TEAD1: variants seen among roughly 807,000 people sequenced by gnomAD.
The protein encoded by TEAD1 is transcriptional enhancer factor TEF-1.
TEAD1 carries 9 observed loss-of-function variants against 54.9 expected under a neutral mutation model. The ratio of observed to expected loss-of-function variants is 0.16; its 90% CI spans 0.10 to 0.29. TEAD1 has a LOEUF of 0.29. Ranked by LOEUF, TEAD1 falls within the 10% of genes least tolerant of loss-of-function variation. TEAD1 has a pLI of 1.00. For synonymous variants in TEAD1, 200 were observed against 187.8 expected (o/e 1.07, Z -0.53); for missense variants, 387 against 535.9 (o/e 0.72, Z 2.74).
chr11:12,752,233 T>C (rs1191300044), intron 2 of TEAD1, among the ~76,000 whole-genome samples: 3 of 137,508 alleles, frequency 2.2e-5, no homozygotes, highest in South Asian at 2.3e-4. Context: ...TTTTTTTTTT[T>C]CATTTCTTTC....
intron 2 of TEAD1, among the ~76,000 whole-genome samples, chr11:12,694,055 C>T (rs911208761): frequency 1.3e-5 from 2 of 152,214 alleles, no homozygotes; most frequent in African/African-American, 4.8e-5. Flanking sequence ...GCTGCGTTGG[C>T]ACACCCTGCT....
At chr11:12,769,172 G>C (rs1737174862) in intron 3 of TEAD1, among the ~76,000 whole-genome samples, 1 of 152,134 alleles carries the variant, frequency 6.6e-6, no homozygotes, top group Non-Finnish European at 1.5e-5. Context: ...CTTTCTTACT[G>C]GGATACCAGG....
chr11:12,676,555 T>C (rs552809015), intron 2 of TEAD1, among the ~76,000 whole-genome samples: 1 of 152,370 alleles, frequency 6.6e-6, no homozygotes, highest in South Asian at 2.1e-4. Context: ...CATATCTGAA[T>C]GCTTACAAGG....
chr11:12,785,404 G>A lies in TEAD1; in HGVS notation c.202+20970G>A, dbSNP rs180695088. Among the ~76,000 whole-genome samples the A allele has an allele frequency of 1.1e-4, 16 of 152,274 alleles. No homozygotes were observed. In the East Asian group the frequency reaches 3.1e-3, roughly 29 times the overall value. On this transcript the variant is annotated intron_variant, in intron 3 of 12. Transcript: ENST00000527636. ...TCTTTCCTCCTGTCCCACAGGTCCT[G>A]GGTTCCAGGGCACAGAGGTTGTTCC...
intron 2 of TEAD1, among the ~76,000 whole-genome samples, chr11:12,714,178 G>A (rs1944004958): frequency 6.6e-6 from 1 of 152,172 alleles, no homozygotes. Flanking sequence ...GGCGGTAGCT[G>A]GGAGAAGGTT....
chr11:12,707,908 C>T (rs1452829021), intron 2 of TEAD1, among the ~76,000 whole-genome samples: 2 of 152,186 alleles, frequency 1.3e-5, no homozygotes, highest in African/African-American at 4.8e-5. Flanking sequence ...AGTATTCGGA[C>T]TAAAGTATAT....
chr11:12,798,565 A>C (rs1945985695), intron 3 of TEAD1, among the ~76,000 whole-genome samples: 1 of 152,190 alleles, frequency 6.6e-6, no homozygotes, highest in Non-Finnish European at 1.5e-5. Flanking sequence ...CCTGTGGTCA[A>C]GTAAATGCAT....
chr11:12,881,084 A>G, intron 7 of TEAD1, 33 bp downstream of exon 7: 1 of 1,612,936 alleles, frequency 6.2e-7, no homozygotes, highest in Non-Finnish European at 8.5e-7. Context: ...ACTGACAACT[A>G]CGGGCTGGTC....
At chr11:12,758,248 A>AT (rs1243339263) in intron 2 of TEAD1, among the ~76,000 whole-genome samples, 35 of 139,980 alleles carry the variant, frequency 2.5e-4, no homozygotes, top group South Asian at 6.8e-4. Flanking sequence ...TTTTTTTTTA[A>AT]TTTTTTTTTT....
At chr11:12,707,723 T>C (rs965445840) in intron 2 of TEAD1, among the ~76,000 whole-genome samples, 1 of 152,240 alleles carries the variant, frequency 6.6e-6, no homozygotes, top group Non-Finnish European at 1.5e-5. Flanking sequence ...TAATTGCCTT[T>C]CTTTTTTTGG....
intron 3 of TEAD1, chr11:12,823,786 A>G (rs1427933554): frequency 6.6e-6 from 1 of 152,172 alleles, no homozygotes; most frequent in Non-Finnish European, 1.5e-5. Flanking sequence ...GGAAGAAGAT[A>G]CATTTCCTTG....
chr11:12,798,837 C>T (rs963655542), intron 3 of TEAD1, among the ~76,000 whole-genome samples: 2 of 152,190 alleles, frequency 1.3e-5, no homozygotes, highest in Non-Finnish European at 2.9e-5. Flanking sequence ...TGCCTTTAGG[C>T]GGTGCCATCC....
chr11:12,874,667 A>G (rs992087290), intron 5 of TEAD1, among the ~76,000 whole-genome samples: 17 of 152,164 alleles, frequency 1.1e-4, no homozygotes, highest in Admixed American at 1.1e-3. Flanking sequence ...TGATAAAAGT[A>G]GGGTAGATGA....
chr11:12,879,500 C>T, intron 5 of TEAD1: 1 of 684,730 alleles, frequency 1.5e-6, no homozygotes, highest in East Asian at 2.7e-5. Context: ...AGCCTTGCCC[C>T]ATTGGGTCTT....
At chr11:12,681,305 TA>T (rs1413964844) in intron 2 of TEAD1, among the ~76,000 whole-genome samples, 1 of 152,254 alleles carries the variant, frequency 6.6e-6, no homozygotes, top group Non-Finnish European at 1.5e-5. Flanking sequence ...ATACTGTTTT[TA>T]AATTTTGATG....
chr11:12,931,590 G>GT (rs1052580080), intron 12 of TEAD1, among the ~76,000 whole-genome samples: 16 of 151,890 alleles, frequency 1.1e-4, no homozygotes, highest in Admixed American at 9.2e-4. Flanking sequence ...TTTTGTTTTT[G>GT]TTTTTTAGAA....
At chr11:12,717,318 G>C (rs1944086441) in intron 2 of TEAD1, among the ~76,000 whole-genome samples, 1 of 152,080 alleles carries the variant, frequency 6.6e-6, no homozygotes. Context: ...TCACTGGTAG[G>C]GTCTAGCTAC....
At chr11:12,797,915 A>G (rs1441145787) in intron 3 of TEAD1, among the ~76,000 whole-genome samples, 1 of 152,086 alleles carries the variant, frequency 6.6e-6, no homozygotes, top group Non-Finnish European at 1.5e-5. Context: ...CCTTTGGGAC[A>G]TCTTTTGTAT....
At chr11:12,897,857 G>GT (rs1159116331) in intron 9 of TEAD1, among the ~76,000 whole-genome samples, 2 of 152,156 alleles carry the variant, frequency 1.3e-5, no homozygotes, top group Non-Finnish European at 2.9e-5. Flanking sequence ...GTTTAACGGT[G>GT]TTAGAAAGGC....
Sources: allele counts gnomAD v4.1 joint callset (sites outside exome capture counted in the v4.1 genomes callset), GRCh38; gene constraint gnomAD v4.1.1; transcripts MANE v1.5; gene names NCBI Gene and HGNC (gene_info 2026-07-23, HGNC 2026-07-21).